Variants in ZFPM2 observed in about 807,000 individuals in gnomAD.
ZFPM2 encodes the protein zinc finger protein ZFPM2.
In ZFPM2, 20 loss-of-function variants were observed where a neutral mutation model predicts 98.6. The ratio of observed to expected loss-of-function variants is 0.20; its 90% confidence interval spans 0.14 to 0.29. The LOEUF is 0.29. Ranked by LOEUF, ZFPM2 falls within the 10% of genes least tolerant of loss-of-function variation. ZFPM2 has a pLI of 1.00. For synonymous variants in ZFPM2, 518 were observed against 502.7 expected (o/e 1.03, Z -0.41); for missense variants, 1,310 against 1,388.6 (o/e 0.94, Z 0.90).
At chr8:105,766,926 G>C (rs1317905180) in intron 5 of ZFPM2, among the ~76,000 whole-genome samples, 1 of 151,784 alleles carries the variant, frequency 6.6e-6, no homozygotes, top group Non-Finnish European at 1.5e-5. Context: ...TTTCCTGATG[G>C]GGGTTATAGT....
At chr8:105,540,681 T>A (rs1313853628) in intron 3 of ZFPM2, among the ~76,000 whole-genome samples, 7 of 152,122 alleles carry the variant, frequency 4.6e-5, no homozygotes, top group Non-Finnish European at 1.0e-4. Context: ...CGTATTTTCG[T>A]GTTTAAGTGT....
At chr8:105,521,113 G>C (rs964867010) in intron 3 of ZFPM2, among the ~76,000 whole-genome samples, 1 of 142,940 alleles carries the variant, frequency 7.0e-6, no homozygotes, top group South Asian at 2.3e-4. Context: ...TAAAATTTGT[G>C]TATGTGTGTA....
chr8:105,547,417 C>T (rs1422888569), intron 3 of ZFPM2, among the ~76,000 whole-genome samples: 1 of 151,510 alleles, frequency 6.6e-6, no homozygotes, highest in Admixed American at 6.6e-5. Flanking sequence ...TGGTGGGCAC[C>T]TGTAATCCCA....
intron 5 of ZFPM2, among the ~76,000 whole-genome samples, chr8:105,636,694 A>G (rs1816853436): frequency 6.6e-6 from 1 of 152,174 alleles, no homozygotes; most frequent in Admixed American, 6.6e-5. Context: ...GGTTGACCAG[A>G]TGAACAAATG....
chr8:105,479,432 C>T (rs1373333115), intron 3 of ZFPM2, among the ~76,000 whole-genome samples: 2 of 152,126 alleles, frequency 1.3e-5, no homozygotes, highest in African/African-American at 4.8e-5. Flanking sequence ...TCCTTTCTGG[C>T]TTCTGATTCT....
chr8:105,337,309 AT>A (rs1166001077), intron 1 of ZFPM2, among the ~76,000 whole-genome samples: 1 of 151,780 alleles, frequency 6.6e-6, no homozygotes, highest in East Asian at 1.9e-4. Flanking sequence ...TTTTCTAAAC[AT>A]TTTGCTACTG....
Position 105,493,258 on chromosome 8 carries a change from A to G in ZFPM2, c.301+48877A>G, listed in dbSNP as rs562217452. 2.6e-5 allele frequency among the ~76,000 whole-genome samples: 4 copies of G among 152,294 alleles called. No homozygotes were observed. The East Asian group carries it at 7.7e-4, about 29-fold the overall frequency. On this transcript the variant is annotated intron_variant, in intron 3 of 7. Coordinates refer to ENST00000407775, the MANE Select transcript of ZFPM2 (RefSeq NM_012082.4). ...GCTTCTGTTTCTTTCAGCACCCCCAAGTGTAACTTAGCAGCTGTCTGTGAA... is the reference window on the plus strand; with the variant it reads ...GCTTCTGTTTCTTTCAGCACCCCCAGGTGTAACTTAGCAGCTGTCTGTGAA...
intron 1 of ZFPM2, among the ~76,000 whole-genome samples, chr8:105,399,581 T>G (rs1811293759): frequency 6.6e-6 from 1 of 152,212 alleles, no homozygotes; most frequent in African/African-American, 2.4e-5. Context: ...TATTCACTAT[T>G]CATACCCACT....
chr8:105,560,653 A>C (rs1276924911), intron 3 of ZFPM2, among the ~76,000 whole-genome samples: 1 of 151,154 alleles, frequency 6.6e-6, no homozygotes, highest in African/African-American at 2.4e-5. Flanking sequence ...TTAAGCAAGC[A>C]TTTAATGAAT....
intron 1 of ZFPM2, among the ~76,000 whole-genome samples, chr8:105,391,647 A>T (rs1253369213): frequency 6.6e-6 from 1 of 152,370 alleles, no homozygotes; most frequent in South Asian, 2.1e-4. Flanking sequence ...CCAGAAGTAG[A>T]TTCTATCTCT....
chr8:105,408,447 G>C (rs753249829), intron 1 of ZFPM2, among the ~76,000 whole-genome samples: 1 of 151,696 alleles, frequency 6.6e-6, no homozygotes, highest in African/African-American at 2.4e-5. Flanking sequence ...TAATTAGAGC[G>C]GATTGAACAT....
In ZFPM2 at chr8:105,766,032, T is replaced by C. The variant is rs565705633; in HGVS notation, c.533-22686T>C. ...AACAGTCAGTGATTTAAAACTATAC[T>C]CTGTTATGTGGTTTGAGTGTTGTAT... is the stretch of plus-strand genomic sequence containing the variant. On this transcript the variant is annotated intron_variant, in intron 5 of 7. Transcript: ENST00000407775. 1.4e-4 allele frequency among the ~76,000 whole-genome samples: 22 copies of C among 152,080 alleles called. No individual in the cohort carries two copies. In the South Asian group the frequency reaches 4.3e-3, roughly 30 times the overall value.
At chr8:105,736,055 T>C (rs1232894339) in intron 5 of ZFPM2, among the ~76,000 whole-genome samples, 2 of 152,030 alleles carry the variant, frequency 1.3e-5, no homozygotes, top group African/African-American at 4.8e-5. Flanking sequence ...ATTTACCTTT[T>C]TATTGCGATA....
chr8:105,417,357 T>G (rs1299732283), intron 1 of ZFPM2, among the ~76,000 whole-genome samples: 1 of 152,112 alleles, frequency 6.6e-6, no homozygotes, highest in Non-Finnish European at 1.5e-5. Context: ...CATACCACAG[T>G]ACATCCATGT....
chr8:105,465,905 A>T (rs889128038), intron 3 of ZFPM2, among the ~76,000 whole-genome samples: 9 of 152,030 alleles, frequency 5.9e-5, no homozygotes, highest in Non-Finnish European at 1.0e-4. Flanking sequence ...GAAAATTTGG[A>T]TAGACAAAAT....
At chr8:105,650,653 G>T (rs1270042223) in intron 5 of ZFPM2, among the ~76,000 whole-genome samples, 2 of 152,306 alleles carry the variant, frequency 1.3e-5, no homozygotes, top group Non-Finnish European at 2.9e-5. Context: ...TCATTCAGGA[G>T]CAGGTTGTTC....
At chr8:105,796,175 T>A (rs1813806321) in intron 6 of ZFPM2, among the ~76,000 whole-genome samples, 1 of 152,182 alleles carries the variant, frequency 6.6e-6, no homozygotes, top group Admixed American at 6.5e-5. Context: ...TTCCTGTATC[T>A]TTACTTTGAT....
intron 5 of ZFPM2, among the ~76,000 whole-genome samples, chr8:105,750,503 T>C (rs1270125035): frequency 1.3e-5 from 2 of 152,070 alleles, no homozygotes; most frequent in African/African-American, 4.8e-5. Context: ...TGAAATTAGA[T>C]TAGTATAATA....
intron 3 of ZFPM2, among the ~76,000 whole-genome samples, chr8:105,514,336 T>A (rs866739189): frequency 3.4e-5 from 4 of 117,292 alleles, no homozygotes; most frequent in South Asian, 2.8e-4. Flanking sequence ...TTTTTTTTTT[T>A]AAATAAGGGA....
Sources: gnomAD v4.1 joint callset for allele counts (sites outside exome capture counted in the v4.1 genomes callset) on GRCh38, gnomAD v4.1.1 for gene constraint, MANE v1.5 for transcripts, NCBI Gene and HGNC (gene_info 2026-07-23, HGNC 2026-07-21) for gene names.